ASCC1: variants seen among roughly 807,000 people sequenced by gnomAD.
ASCC1 encodes the protein ASC-1 complex subunit P50.
A neutral mutation model predicts 46.6 loss-of-function variants in ASCC1; 35 were observed. The observed-to-expected ratio is 0.75, with a 90% CI of 0.57 to 0.99. ASCC1 has a LOEUF of 0.99. ASCC1 is among the 50% of genes least tolerant of loss of function. ASCC1 has a pLI of 0.00. For missense variants in ASCC1, 376 were observed against 428.7 expected (o/e 0.88, Z 1.09); for synonymous variants, 143 against 146.6 (o/e 0.98, Z 0.18).
chr10:72,143,432 G>A (rs1847268283), intron 7 of ASCC1, among the ~76,000 whole-genome samples: 1 of 151,300 alleles, frequency 6.6e-6, no homozygotes, highest in South Asian at 2.1e-4. Flanking sequence ...CAAACCCCTG[G>A]GCTCAAGCAA....
intron 6 of ASCC1, among the ~76,000 whole-genome samples, chr10:72,159,931 G>GTC (rs1849431130): frequency 7.0e-6 from 1 of 143,816 alleles, no homozygotes; most frequent in South Asian, 2.2e-4. Flanking sequence ...TTGAGATGGA[G>GTC]TCTCACTCTG....
chr10:72,216,043 G>C (rs760141665), intron 1 of ASCC1, 164 bp downstream of exon 1: 6 of 152,370 alleles, frequency 3.9e-5, no homozygotes, highest in Admixed American at 2.0e-4. Context: ...CCGTCTGTTG[G>C]GGGGCGAACA....
At chr10:72,158,947 A>G (rs1460456811) in intron 6 of ASCC1, 2 of 152,242 alleles carry the variant, frequency 1.3e-5, no homozygotes, top group African/African-American at 4.8e-5. Context: ...TTTACTTACC[A>G]GAGATTTAAC....
At chr10:72,106,017 T>G (rs190534130) in intron 9 of ASCC1, among the ~76,000 whole-genome samples, 13 of 152,226 alleles carry the variant, frequency 8.5e-5, no homozygotes, top group Non-Finnish European at 1.8e-4. Context: ...AGTGACAATC[T>G]GCTGGGGATC....
rs574810863 is a variant in ASCC1, at chr10:72,097,276, C to A, written c.*58G>T. On this transcript the variant is annotated 3_prime_UTR_variant, in exon 10 of 10. Coordinates refer to ENST00000672957, the MANE Select transcript of ASCC1 (RefSeq NM_001198800.3). ...CCCTGCTTGGCAATTAAAACGAAGACACTTTTCTTCAGCACCTGGTGAAGA... is the reference window on the plus strand; with the variant it reads ...CCCTGCTTGGCAATTAAAACGAAGAAACTTTTCTTCAGCACCTGGTGAAGA... 2 of 1,197,244 alleles carry A rather than the reference C, an allele frequency of 1.7e-6. No homozygotes were observed. Among genetic ancestry groups the A allele is most frequent in the Non-Finnish European group, 2.5e-6 (2 of 803,586 alleles). 74.2% of individuals were successfully genotyped at this position (1,197,244 alleles called of 1,614,324 possible).
chr10:72,164,014 G>C (rs1340124432), intron 5 of ASCC1, among the ~76,000 whole-genome samples: 1 of 151,882 alleles, frequency 6.6e-6, no homozygotes, highest in Admixed American at 6.6e-5. Flanking sequence ...CCAGGCTAGA[G>C]TGCAATGATG....
chr10:72,099,761 G>A (rs903370909), intron 9 of ASCC1, among the ~76,000 whole-genome samples: 8 of 152,020 alleles, frequency 5.3e-5, no homozygotes, highest in African/African-American at 1.2e-4. Flanking sequence ...CGGAGGTTGC[G>A]GTGAGCCGAG....
chr10:72,137,559 AG>A (rs1375251641), intron 7 of ASCC1, among the ~76,000 whole-genome samples: 1 of 151,306 alleles, frequency 6.6e-6, no homozygotes, highest in African/African-American at 2.4e-5. Context: ...AAAAAACATA[AG>A]GAAAAACGAA....
At chr10:72,160,690 C>A (rs1473557598) in intron 6 of ASCC1, among the ~76,000 whole-genome samples, 1 of 149,900 alleles carries the variant, frequency 6.7e-6, no homozygotes, top group Admixed American at 6.7e-5. Flanking sequence ...CAGAGAAAGA[C>A]CCCGTCCCTA....
In ASCC1 at chr10:72,139,113, TC is replaced by T. The variant is rs1468329567; in HGVS notation, c.747-5933del. ...TGTCACTATATTTCTTTTTTCTTTT[TC>T]TTTTTTTTTTTTTTTTTGAGACGGC... On this transcript the variant is annotated intron_variant, in intron 7 of 9. Transcript: ENST00000672957. Among the ~76,000 whole-genome samples the T allele has an allele frequency of 7.3e-3, 1,077 of 146,888 alleles. 12 individuals carry two copies. Among genetic ancestry groups the T allele is most frequent in the African/African-American group, 0.027 (1,018 of 37,150 alleles).
intron 5 of ASCC1, among the ~76,000 whole-genome samples, chr10:72,162,714 G>A (rs997863372): frequency 3.3e-5 from 5 of 151,978 alleles, no homozygotes; most frequent in African/African-American, 7.2e-5. Context: ...AGGCTGAGGC[G>A]GGTGGATCAC....
intron 5 of ASCC1, among the ~76,000 whole-genome samples, chr10:72,172,278 A>C (rs1322328500): frequency 6.6e-6 from 1 of 151,792 alleles, no homozygotes; most frequent in Non-Finnish European, 1.5e-5. Context: ...AGCCAGGCCT[A>C]GTGGTGCACA....
At chr10:72,172,914 TTATATTA>T (rs922474459) in intron 5 of ASCC1, among the ~76,000 whole-genome samples, 13 of 136,288 alleles carry the variant, frequency 9.5e-5, no homozygotes, top group Non-Finnish European at 1.7e-4. Flanking sequence ...TATTATATTT[TTATATTA>T]TATATTATAT....
chr10:72,214,495 C>T (rs1381073003), intron 1 of ASCC1, among the ~76,000 whole-genome samples: 2 of 151,148 alleles, frequency 1.3e-5, no homozygotes, highest in Middle Eastern at 3.4e-3. Flanking sequence ...CCTGCCTCAG[C>T]CTTCCCAGTT....
chr10:72,143,026 T>C (rs1241122174), intron 7 of ASCC1, among the ~76,000 whole-genome samples: 3 of 151,762 alleles, frequency 2.0e-5, no homozygotes, highest in Non-Finnish European at 2.9e-5. Context: ...CCGGACATGG[T>C]AGTGGGCGCC....
At chr10:72,101,875 G>C (rs994361322) in intron 9 of ASCC1, among the ~76,000 whole-genome samples, 7 of 152,076 alleles carry the variant, frequency 4.6e-5, no homozygotes, top group African/African-American at 1.5e-4. Flanking sequence ...GAGCAGATGT[G>C]AATGAATGAA....
At chr10:72,195,139 G>GTTTTTTTTTT (rs142672810) in intron 5 of ASCC1, among the ~76,000 whole-genome samples, 6 of 61,020 alleles carry the variant, frequency 9.8e-5, no homozygotes, top group African/African-American at 3.3e-4. Context: ...TTTTTGCTGT[G>GTTTTTTTTTT]TTTTTTTTTT....
At chr10:72,163,800 T>C (rs1176459975) in intron 5 of ASCC1, among the ~76,000 whole-genome samples, 3 of 151,890 alleles carry the variant, frequency 2.0e-5, no homozygotes, top group Non-Finnish European at 4.4e-5. Flanking sequence ...ATCCCTAAAA[T>C]TGAGGTGAAA....
intron 3 of ASCC1, among the ~76,000 whole-genome samples, chr10:72,204,120 G>A (rs1036639038): frequency 2.6e-5 from 4 of 152,120 alleles, no homozygotes; most frequent in African/African-American, 9.7e-5. Flanking sequence ...TGACAGCAGG[G>A]TGCCTGTAAT....
Sources: gnomAD v4.1 joint callset for allele counts (sites outside exome capture counted in the v4.1 genomes callset) on GRCh38, gnomAD v4.1.1 for gene constraint, MANE v1.5 for transcripts, NCBI Gene and HGNC (gene_info 2026-07-23, HGNC 2026-07-21) for gene names.